The following DACH2 variants were observed in gnomAD, a reference collection of about 807,000 sequenced individuals.
The protein encoded by DACH2 is dachshund family transcription factor 2.
A neutral mutation model predicts 35.8 loss-of-function variants in DACH2; 17 were observed. That is an observed-to-expected ratio of 0.48 (90% CI 0.33 to 0.71). The LOEUF is 0.71. Among genes scored for constraint, DACH2 ranks in the 30% least tolerant of loss-of-function variants. The pLI is 0.02. For missense variants in DACH2, 469 were observed against 472.7 expected (o/e 0.99, Z 0.07); for synonymous variants, 195 against 177.3 (o/e 1.10, Z -0.79).
intron 7 of DACH2, among the ~76,000 whole-genome samples, chrX:86,811,015 A>G (rs1185988990): frequency 8.9e-6 from 1 of 112,144 alleles, no homozygotes; most frequent in East Asian, 2.8e-4. Context: ...AATAATTCCT[A>G]GGAAGTTATT....
At chrX:86,502,728 C>A (rs1290983071) in intron 2 of DACH2, among the ~76,000 whole-genome samples, 2 of 112,015 alleles carry the variant, frequency 1.8e-5, no homozygotes, top group African/African-American at 6.5e-5. Flanking sequence ...AGATAATTCC[C>A]AGAAGGAGAA....
intron 4 of DACH2, among the ~76,000 whole-genome samples, chrX:86,669,347 G>A (rs1258842549): frequency 9.0e-6 from 1 of 110,891 alleles, no homozygotes; most frequent in Non-Finnish European, 1.9e-5. Flanking sequence ...CAGTCATGTT[G>A]CATTCGTTTG....
At chrX:86,335,228 A>G (rs1424519225) in intron 1 of DACH2, among the ~76,000 whole-genome samples, 1 of 111,632 alleles carries the variant, frequency 9.0e-6, no homozygotes, top group Non-Finnish European at 1.9e-5. Context: ...CTTCTTGGCT[A>G]CACATGCTCT....
At chrX:86,382,784 T>C (rs2036066056) in intron 2 of DACH2, among the ~76,000 whole-genome samples, 1 of 111,195 alleles carries the variant, frequency 9.0e-6, no homozygotes, top group Non-Finnish European at 1.9e-5. Context: ...ACAAGAAAAT[T>C]GTGGTTCACA....
chrX:86,605,945 T>A (rs1386011136), intron 3 of DACH2, among the ~76,000 whole-genome samples: 1 of 111,461 alleles, frequency 9.0e-6, no homozygotes, highest in Non-Finnish European at 1.9e-5. Flanking sequence ...AAATTCTCCT[T>A]TGTTCATGCT....
In DACH2 at chrX:86,329,024, A is replaced by T. The variant is rs1483049817; in HGVS notation, c.489-47800A>T. 2.7e-5 allele frequency among the ~76,000 whole-genome samples: 3 copies of T among 111,716 alleles called. No individual in the cohort carries two copies. The Admixed American group carries it at 2.9e-4, about 11-fold the overall frequency. On this transcript the variant is annotated intron_variant, in intron 1 of 11. Transcript: ENST00000373125. ...AAATTGCTTGATCACTCAAACAATG[A>T]CACGATTCCTTGGGAAAACAGATTT...
intron 6 of DACH2, among the ~76,000 whole-genome samples, chrX:86,717,414 T>C (rs908975695): frequency 2.7e-5 from 3 of 110,432 alleles, no homozygotes; most frequent in Admixed American, 9.7e-5. Context: ...GATTTCATTC[T>C]TTCTTATGGC....
intron 2 of DACH2, among the ~76,000 whole-genome samples, chrX:86,408,176 C>T (rs2036555076): frequency 9.0e-6 from 1 of 111,644 alleles, no homozygotes; most frequent in Non-Finnish European, 1.9e-5. Context: ...ACTGTATGAT[C>T]TCGCTTATGG....
At chrX:86,529,969 A>T (rs1051446453) in intron 3 of DACH2, among the ~76,000 whole-genome samples, 1 of 44,938 alleles carries the variant, frequency 2.2e-5, no homozygotes, top group Non-Finnish European at 4.6e-5. Context: ...ACACACACAC[A>T]CACACACGCA....
At chrX:86,563,820 A>C (rs1273520392) in intron 3 of DACH2, among the ~76,000 whole-genome samples, 1 of 111,158 alleles carries the variant, frequency 9.0e-6, no homozygotes, top group African/African-American at 3.3e-5. Context: ...ATACAAACAT[A>C]ATGTGCGATT....
chrX:86,237,842 C>T (rs2033087646), intron 1 of DACH2, among the ~76,000 whole-genome samples: 1 of 111,893 alleles, frequency 8.9e-6, no homozygotes, highest in Admixed American at 9.5e-5. Flanking sequence ...ATGGCTGACA[C>T]CAAGGAATGC....
chrX:86,466,655 G>A (rs906354598), intron 2 of DACH2, among the ~76,000 whole-genome samples: 3 of 112,020 alleles, frequency 2.7e-5, no homozygotes, highest in African/African-American at 9.7e-5. Flanking sequence ...TACAATGGGG[G>A]TATAGGTATT....
At chrX:86,485,365 A>G (rs1054348910) in intron 2 of DACH2, among the ~76,000 whole-genome samples, 1 of 111,254 alleles carries the variant, frequency 9.0e-6, no homozygotes, top group African/African-American at 3.3e-5. Flanking sequence ...ATTGCCAGAG[A>G]ATGGGGAGGG....
intron 4 of DACH2, among the ~76,000 whole-genome samples, chrX:86,661,600 G>A (rs2040605830): frequency 8.9e-6 from 1 of 111,902 alleles, no homozygotes; most frequent in Admixed American, 9.5e-5. Context: ...TGGCCATTTG[G>A]GTTGCTTCCA....
In DACH2 at chrX:86,556,077, G is replaced by T. The variant is rs779827028; in HGVS notation, c.640+41686G>T. ...GATGATGAGTAAAAGAGAGGCATTT[G>T]CCAATTTAATGACATGTTTTCTGTA... On this transcript the variant is annotated intron_variant, in intron 3 of 11. Coordinates refer to ENST00000373125, the MANE Select transcript of DACH2 (RefSeq NM_053281.3). Among the ~76,000 whole-genome samples the T allele has an allele frequency of 5.4e-5, 6 of 111,702 alleles. No individual in the cohort carries two copies. In the East Asian group the frequency reaches 1.7e-3, roughly 32 times the overall value.
At chrX:86,703,237 C>T (rs1028176668) in intron 5 of DACH2, among the ~76,000 whole-genome samples, 6 of 110,758 alleles carry the variant, frequency 5.4e-5, no homozygotes, top group African/African-American at 2.0e-4. Flanking sequence ...TATAAAAACC[C>T]TCAACAAATT....
intron 1 of DACH2, among the ~76,000 whole-genome samples, chrX:86,214,488 A>G (rs2032523428): frequency 8.9e-6 from 1 of 112,179 alleles, no homozygotes. Flanking sequence ...CTTGGCTTCT[A>G]TCCAAGTAAG....
intron 2 of DACH2, among the ~76,000 whole-genome samples, chrX:86,421,129 G>T (rs2036795407): frequency 9.0e-6 from 1 of 111,507 alleles, no homozygotes; most frequent in Non-Finnish European, 1.9e-5. Flanking sequence ...CGGATTTTCA[G>T]AATAAGTAAA....
chrX:86,747,523 G>T (rs2041726452), intron 7 of DACH2, among the ~76,000 whole-genome samples: 2 of 111,874 alleles, frequency 1.8e-5, no homozygotes, highest in Non-Finnish European at 3.8e-5. Context: ...ATTTCTCAGT[G>T]CATGTAAGAG....
Sources: allele counts gnomAD v4.1 joint callset (sites outside exome capture counted in the v4.1 genomes callset), GRCh38; gene constraint gnomAD v4.1.1; transcripts MANE v1.5; gene names NCBI Gene and HGNC (gene_info 2026-07-23, HGNC 2026-07-21).